The following ULK4 variants were observed in gnomAD, a reference collection of about 807,000 sequenced individuals.
The protein encoded by ULK4 is inactive serine/threonine-protein kinase ULK4.
In ULK4, 133 loss-of-function variants were observed where a neutral mutation model predicts 160.6. The observed-to-expected ratio is 0.83, with a 90% CI of 0.72 to 0.96. The LOEUF (loss-of-function observed/expected upper bound fraction) is 0.96. Among genes scored for constraint, ULK4 ranks in the 40% least tolerant of loss-of-function variants. The probability of loss-of-function intolerance (pLI) is 0.00; values close to 1 mark genes in which losing one functional copy is unlikely to be tolerated. For synonymous variants in ULK4, 534 were observed against 539.8 expected (o/e 0.99, Z 0.15); for missense variants, 1,580 against 1,499.5 (o/e 1.05, Z -0.89).
chr3:41,283,087 C>T (rs921795682), intron 35 of ULK4, among the ~76,000 whole-genome samples: 2 of 152,168 alleles, frequency 1.3e-5, no homozygotes, highest in African/African-American at 4.8e-5. Context: ...AAATCAAAAC[C>T]ATAATGAAAT....
At chr3:41,514,114 G>T (rs765205620) in intron 32 of ULK4, among the ~76,000 whole-genome samples, 19 of 151,964 alleles carry the variant, frequency 1.3e-4, no homozygotes, top group Non-Finnish European at 2.6e-4. Context: ...TATTTTTAAT[G>T]GATTGTTTAA....
chr3:41,284,313 G>A (rs2371489), intron 35 of ULK4, among the ~76,000 whole-genome samples: 1 of 151,916 alleles, frequency 6.6e-6, no homozygotes, highest in Non-Finnish European at 1.5e-5. Context: ...GAGAACAAAT[G>A]TGGAGGCATC....
intron 17 of ULK4, among the ~76,000 whole-genome samples, chr3:41,844,538 G>A (rs545794901): frequency 1.2e-4 from 18 of 152,210 alleles, no homozygotes; most frequent in African/African-American, 1.9e-4. Flanking sequence ...GTTGCCGCTC[G>A]CGCCTCTCCC....
At chr3:41,802,206 A>T (rs2040482833) in intron 19 of ULK4, among the ~76,000 whole-genome samples, 1 of 152,230 alleles carries the variant, frequency 6.6e-6, no homozygotes, top group Non-Finnish European at 1.5e-5. Context: ...TTAAATCTAT[A>T]CAAAAGAACA....
intron 19 of ULK4, among the ~76,000 whole-genome samples, chr3:41,800,843 G>T (rs559686565): frequency 6.6e-6 from 1 of 152,246 alleles, no homozygotes; most frequent in African/African-American, 2.4e-5. Flanking sequence ...TCCTAGCGGT[G>T]CTAAAAAGTT....
chr3:41,735,748 G>A (rs2038014958), intron 22 of ULK4, among the ~76,000 whole-genome samples: 1 of 150,108 alleles, frequency 6.7e-6, no homozygotes, highest in African/African-American at 2.5e-5. Flanking sequence ...TGCACAATGT[G>A]CAGGTTTGTT....
intron 19 of ULK4, among the ~76,000 whole-genome samples, chr3:41,815,949 A>T (rs1189552879): frequency 6.6e-6 from 1 of 152,168 alleles, no homozygotes; most frequent in Non-Finnish European, 1.5e-5. Flanking sequence ...ATCATAAAGG[A>T]ATAGATAAAC....
chr3:41,859,262 T>C, intron 17 of ULK4: 1 of 547,480 alleles, frequency 1.8e-6, no homozygotes, highest in Non-Finnish European at 3.5e-6. Context: ...TCAAGAAAGG[T>C]GGTCTGGTTT....
intron 34 of ULK4, among the ~76,000 whole-genome samples, chr3:41,447,945 C>T (rs924995826): frequency 2.6e-5 from 4 of 152,178 alleles, no homozygotes; most frequent in Admixed American, 1.3e-4. Context: ...ACCACCACCA[C>T]CTCCTACTAG....
chr3:41,931,777 C>T, intron 5 of ULK4, 67 bp downstream of exon 5: 1 of 1,563,720 alleles, frequency 6.4e-7, no homozygotes, highest in Non-Finnish European at 8.7e-7. Flanking sequence ...GACATTGTCT[C>T]CTAAACACAG....
chr3:41,273,091 A>G (rs2079166450), intron 35 of ULK4, among the ~76,000 whole-genome samples: 1 of 152,194 alleles, frequency 6.6e-6, no homozygotes, highest in Non-Finnish European at 1.5e-5. Flanking sequence ...ATCTTTTATT[A>G]TGAAATTATA....
intron 35 of ULK4, among the ~76,000 whole-genome samples, chr3:41,370,321 A>T (rs2081338115): frequency 6.6e-6 from 1 of 152,214 alleles, no homozygotes; most frequent in Non-Finnish European, 1.5e-5. Context: ...AGAGACTATC[A>T]CTTTATGATA....
intron 22 of ULK4, among the ~76,000 whole-genome samples, chr3:41,735,565 T>C (rs1375222271): frequency 6.6e-6 from 1 of 152,048 alleles, no homozygotes; most frequent in Admixed American, 6.6e-5. Context: ...ATTGTAGATA[T>C]CCATTCCATT....
intron 27 of ULK4, among the ~76,000 whole-genome samples, chr3:41,686,817 C>T (rs1422215631): frequency 1.3e-5 from 2 of 152,062 alleles, no homozygotes; most frequent in African/African-American, 4.8e-5. Flanking sequence ...ACTACCTGGG[C>T]CCAGCATCAG....
At chr3:41,661,176 G>A (rs2035141690) in intron 30 of ULK4, among the ~76,000 whole-genome samples, 1 of 152,106 alleles carries the variant, frequency 6.6e-6, no homozygotes, top group Non-Finnish European at 1.5e-5. Context: ...GAGATTCACT[G>A]TTATCAGTAG....
intron 32 of ULK4, among the ~76,000 whole-genome samples, chr3:41,465,430 T>A (rs2083806614): frequency 6.6e-6 from 1 of 152,228 alleles, no homozygotes; most frequent in Admixed American, 6.5e-5. Flanking sequence ...TTGCCACTTT[T>A]AAAAATCAAT....
At chr3:41,391,161 C>A (rs546071004) in intron 35 of ULK4, among the ~76,000 whole-genome samples, 93 of 152,114 alleles carry the variant, frequency 6.1e-4, no homozygotes, top group African/African-American at 2.1e-3. Context: ...AAAAAGTTCC[C>A]AAATTAACTT....
intron 27 of ULK4, among the ~76,000 whole-genome samples, chr3:41,689,421 T>A (rs2036207839): frequency 6.6e-6 from 1 of 152,188 alleles, no homozygotes; most frequent in Non-Finnish European, 1.5e-5. Context: ...TTGAAGTATA[T>A]CTGTTTTTAA....
chr3:41,327,225 G>A (rs1364370321), intron 35 of ULK4, among the ~76,000 whole-genome samples: 3 of 152,218 alleles, frequency 2.0e-5, no homozygotes, highest in Admixed American at 6.5e-5. Context: ...CTCACATCCT[G>A]AGCAATCTAT....
Sources: allele counts gnomAD v4.1 joint callset (sites outside exome capture counted in the v4.1 genomes callset), GRCh38; gene constraint gnomAD v4.1.1; transcripts MANE v1.5; gene names NCBI Gene and HGNC (gene_info 2026-07-23, HGNC 2026-07-21).